Variants in EMID1 observed in about 807,000 individuals in gnomAD.
EMID1 encodes the protein EMI domain containing 1.
A neutral mutation model predicts 60.6 loss-of-function variants in EMID1; 40 were observed. That is an observed-to-expected ratio of 0.66 (90% CI 0.51 to 0.86). The LOEUF is 0.86. Ranked by LOEUF, EMID1 falls within the 40% of genes least tolerant of loss-of-function variation. The probability of loss-of-function intolerance (pLI) is 0.00; values close to 1 mark genes in which losing one functional copy is unlikely to be tolerated. For synonymous variants in EMID1, 242 were observed against 231.0 expected (o/e 1.05, Z -0.43); for missense variants, 585 against 597.1 (o/e 0.98, Z 0.21).
intron 1 of EMID1, among the ~76,000 whole-genome samples, chr22:29,210,619 A>G (rs2039847780): frequency 6.6e-6 from 1 of 152,106 alleles, no homozygotes; most frequent in Non-Finnish European, 1.5e-5. Context: ...TACAGCCTCA[A>G]ACTCCTGAGC....
At chr22:29,236,897 A>G (rs2040969528) in intron 12 of EMID1, among the ~76,000 whole-genome samples, 1 of 150,296 alleles carries the variant, frequency 6.7e-6, no homozygotes. Context: ...CCCGGGATCA[A>G]GCAATTCTCC....
At chr22:29,209,334 G>C (rs2039797211) in intron 1 of EMID1, among the ~76,000 whole-genome samples, 1 of 152,124 alleles carries the variant, frequency 6.6e-6, no homozygotes, top group South Asian at 2.1e-4. Context: ...GGGCAGAAGT[G>C]TTGGGCCCAG....
At chr22:29,245,457 G>A (rs1186542505) in intron 13 of EMID1, among the ~76,000 whole-genome samples, 1 of 152,166 alleles carries the variant, frequency 6.6e-6, no homozygotes, top group East Asian at 1.9e-4. Flanking sequence ...CCCCGCAAGA[G>A]GTAGCAGGGC....
intron 3 of EMID1, among the ~76,000 whole-genome samples, chr22:29,224,319 G>C (rs1265644223): frequency 6.6e-6 from 1 of 152,230 alleles, no homozygotes; most frequent in Admixed American, 6.5e-5. Context: ...AGGAAGGCCT[G>C]GGGGGCTGAG....
Position 29,206,008 on chromosome 22 carries a change from G to C in EMID1, c.-31G>C. On this transcript the variant is annotated 5_prime_UTR_variant, in exon 1 of 15. Transcript: ENST00000334018. Reference sequence around the variant, plus strand: ...GACAGGCTGGGGGCGGCGACCGCGAGGGGCCGCGCGCGGAGGGCGCCTGGT... The same window carrying C: ...GACAGGCTGGGGGCGGCGACCGCGACGGGCCGCGCGCGGAGGGCGCCTGGT... 1.7e-6 allele frequency: 2 copies of C among 1,197,888 alleles called. No individual in the cohort carries two copies. The highest frequency in any genetic ancestry group is 2.1e-6 in the Non-Finnish European group (2 of 965,254). The allele number at this position is 1,197,888 out of a possible 1,614,324, so 74.2% of individuals were successfully genotyped here.
chr22:29,214,892 G>A lies in EMID1; in HGVS notation c.102-34G>A, dbSNP rs190583540. ...AGTCCCCAGCAGGGGACCCTGTGTG[G>A]TACCTGAGTTTCCTCTCTTTGGGTC... On this transcript the variant is annotated intron_variant, in intron 1 of 14. Coordinates refer to ENST00000334018, the MANE Select transcript of EMID1 (RefSeq NM_133455.4). The A allele has an allele frequency of 2.3e-5, 34 of 1,468,782 alleles. No individual in the cohort carries two copies. In the African/African-American group the frequency reaches 3.1e-4, roughly 13 times the overall value. The allele number at this position is 1,468,782 out of a possible 1,614,324, so 91.0% of individuals were successfully genotyped here. A position where few individuals can be genotyped will look rare whatever the true frequency, so the allele number is the denominator to read the frequency against.
At chr22:29,208,641 A>G (rs2039768104) in intron 1 of EMID1, among the ~76,000 whole-genome samples, 2 of 152,182 alleles carry the variant, frequency 1.3e-5, no homozygotes, top group Admixed American at 6.5e-5. Context: ...ATCCCAGCTG[A>G]TGCCCACAGG....
At chr22:29,216,635 G>A in intron 3 of EMID1, 1 of 985,466 alleles carries the variant, frequency 1.0e-6, no homozygotes, top group Non-Finnish European at 1.2e-6. Flanking sequence ...ACGGCTCACA[G>A]GTGTTTCTTG....
intron 12 of EMID1, among the ~76,000 whole-genome samples, chr22:29,240,772 C>T (rs923740853): frequency 1.1e-4 from 17 of 152,218 alleles, no homozygotes; most frequent in Non-Finnish European, 1.8e-4. Flanking sequence ...AGTGTGGGCT[C>T]CCAGAACTCG....
At chr22:29,234,867 T>G (rs2040884345) in intron 12 of EMID1, among the ~76,000 whole-genome samples, 1 of 152,080 alleles carries the variant, frequency 6.6e-6, no homozygotes, top group South Asian at 2.1e-4. Flanking sequence ...TATCCTTTTT[T>G]TTTTCAACCT....
chr22:29,213,848 A>T (rs1275905324), intron 1 of EMID1, among the ~76,000 whole-genome samples: 2 of 152,108 alleles, frequency 1.3e-5, no homozygotes, highest in Non-Finnish European at 2.9e-5. Flanking sequence ...TGAGGAGAAG[A>T]CGGGAGCTGA....
chr22:29,228,584 C>T (rs1381281695), intron 5 of EMID1, among the ~76,000 whole-genome samples: 3 of 152,040 alleles, frequency 2.0e-5, no homozygotes, highest in Non-Finnish European at 4.4e-5. Flanking sequence ...TTTGTTTGTT[C>T]GTTTTGTTTT....
intron 14 of EMID1, chr22:29,255,360 A>T: frequency 6.8e-7 from 1 of 1,479,838 alleles, no homozygotes; most frequent in Non-Finnish European, 9.1e-7. Flanking sequence ...TCATCTGGCC[A>T]GGTAATGGCA....
rs781490574 is a variant in EMID1 at position 29,258,978 on chromosome 22, G to T, written c.*34G>T. ...GCGGCCCCTGAGGCAGACCAGGCCA[G>T]GCTTCCCCTCCTACCTGGACTCGGC... On this transcript the variant is annotated 3_prime_UTR_variant, in exon 15 of 15. Transcript: ENST00000334018. The T allele has an allele frequency of 3.7e-6, 6 of 1,600,748 alleles. No individual in the cohort carries two copies. Among genetic ancestry groups the T allele is most frequent in the African/African-American group, 1.3e-5 (1 of 74,680 alleles).
intron 3 of EMID1, among the ~76,000 whole-genome samples, chr22:29,217,504 T>C (rs1355923002): frequency 6.6e-6 from 1 of 152,140 alleles, no homozygotes; most frequent in Non-Finnish European, 1.5e-5. Context: ...GGCTTGGGGG[T>C]GCTGCACTCC....
At chr22:29,230,884 T>G in intron 5 of EMID1, 136 bp from the exon 6 acceptor site, 1 of 1,102,060 alleles carries the variant, frequency 9.1e-7, no homozygotes, top group Non-Finnish European at 1.2e-6. Flanking sequence ...TAAGCCCGGG[T>G]GGTTGAGGCT....
chr22:29,220,079 T>C (rs1480262777), intron 3 of EMID1, among the ~76,000 whole-genome samples: 1 of 151,124 alleles, frequency 6.6e-6, no homozygotes, highest in Admixed American at 6.6e-5. Context: ...CATGGCTGCC[T>C]CCTCCACTCT....
intron 12 of EMID1, among the ~76,000 whole-genome samples, chr22:29,241,025 G>A (rs146477108): frequency 5.9e-4 from 90 of 152,266 alleles, no homozygotes; most frequent in Admixed American, 1.4e-3. Context: ...GGAAGGACAA[G>A]GGCATTTTTC....
At chr22:29,251,111 CAGG>C (rs1369916139) in intron 13 of EMID1, among the ~76,000 whole-genome samples, 1 of 150,612 alleles carries the variant, frequency 6.6e-6, no homozygotes, top group Non-Finnish European at 1.5e-5. Flanking sequence ...TTTTTTGAGA[CAGG>C]GTCTCTGTCG....
Sources: gnomAD v4.1 joint callset for allele counts (sites outside exome capture counted in the v4.1 genomes callset) on GRCh38, gnomAD v4.1.1 for gene constraint, MANE v1.5 for transcripts, NCBI Gene and HGNC (gene_info 2026-07-23, HGNC 2026-07-21) for gene names.